TSHZ1: variants seen among roughly 807,000 people sequenced by gnomAD.
TSHZ1 encodes the protein teashirt zinc finger homeobox 1.
A neutral mutation model predicts 67.1 loss-of-function variants in TSHZ1; 12 were observed. The observed-to-expected ratio is 0.18, with a 90% CI of 0.11 to 0.29. The LOEUF is 0.29. Ranked by LOEUF, TSHZ1 falls within the 10% of genes least tolerant of loss-of-function variation. TSHZ1 has a pLI of 1.00. For synonymous variants in TSHZ1, 632 were observed against 622.4 expected (o/e 1.02, Z -0.23); for missense variants, 1,305 against 1,413.9 (o/e 0.92, Z 1.23).
chr18:75,213,826 C>T (rs957914475), intron 1 of TSHZ1, among the ~76,000 whole-genome samples: 1 of 152,004 alleles, frequency 6.6e-6, no homozygotes, highest in Non-Finnish European at 1.5e-5. Context: ...TGTTTCCATT[C>T]TTTCCTCTAC....
At chr18:75,276,146 A>G (rs942262649) in intron 1 of TSHZ1, among the ~76,000 whole-genome samples, 1 of 152,232 alleles carries the variant, frequency 6.6e-6, no homozygotes, top group African/African-American at 2.4e-5. Flanking sequence ...TTAACTTGAA[A>G]TTGAATTCAG....
At chr18:75,220,953 A>G (rs1265237088) in intron 1 of TSHZ1, 1 of 152,226 alleles carries the variant, frequency 6.6e-6, no homozygotes, top group Non-Finnish European at 1.5e-5. Context: ...ATAAGGCAGG[A>G]TTTCCTCACT....
At position 75,286,256 on chromosome 18, in the gene TSHZ1, C is replaced by G. The variant is rs140283079; in HGVS notation, c.849C>G (p.Thr283=). Residue 283 remains threonine, a synonymous_variant, in exon 2 of 2, where the codon ACC becomes ACG. Coordinates refer to ENST00000580243, the MANE Select transcript of TSHZ1 (RefSeq NM_001308210.2). This position sits in a 1 kb window ranked among gnomAD's most constrained non-coding sequence, Gnocchi z 5.1. ...ACAGGGACAAGGACTCCGAGAAGAC[C>G]AAGAGGTGGTCCAAGCCCAGGAAGC... ...DDNRDKDSEK[T]KRWSKPRKRS... The G allele has an allele frequency of 1.6e-3, 2,502 of 1,613,736 alleles. 33 individuals carry two copies. The Admixed American group carries it at 0.028, about 18-fold the overall frequency.
chr18:75,286,820 G>A lies in TSHZ1; in HGVS notation c.1413G>A (p.Pro471=), dbSNP rs771504745. 157 of 1,613,708 alleles carry A rather than the reference G, an allele frequency of 9.7e-5. No individual in the cohort carries two copies. The highest frequency in any genetic ancestry group is 1.1e-4 in the Non-Finnish European group (130 of 1,180,014). The change falls in exon 2 of 2, where the codon CCG becomes CCA. Residue 471 remains proline (P), a synonymous_variant. Transcript: ENST00000580243. This position sits in a 1 kb window ranked among gnomAD's most constrained non-coding sequence, Gnocchi z 5.1. The part of the protein sequence containing the change: ...VEEKIQSIPL[P]PTTHTRLPAS... ...AGAAGATCCAGTCCATCCCACTACC[G>A]CCCACCACCCACACGCGGCTGCCGG...
intron 1 of TSHZ1, among the ~76,000 whole-genome samples, chr18:75,217,731 C>T (rs1035370319): frequency 5.9e-5 from 9 of 152,046 alleles, no homozygotes; most frequent in Admixed American, 2.0e-4. Context: ...TGGCGTGTCA[C>T]GAAGAGCATG....
intron 1 of TSHZ1, among the ~76,000 whole-genome samples, chr18:75,225,511 C>CAGCATGA (rs2022913497): frequency 1.3e-5 from 2 of 152,188 alleles, no homozygotes; most frequent in Non-Finnish European, 2.9e-5. Flanking sequence ...TCAGCATGCC[C>CAGCATGA]TTTGGAACAT....
intron 1 of TSHZ1, among the ~76,000 whole-genome samples, chr18:75,238,743 G>T (rs1223022063): frequency 6.6e-6 from 1 of 152,166 alleles, no homozygotes; most frequent in Admixed American, 6.5e-5. Context: ...GAGGGTGACT[G>T]CTTGTTTAGT....
chr18:75,230,889 G>T (rs991375469), intron 1 of TSHZ1, among the ~76,000 whole-genome samples: 2 of 152,216 alleles, frequency 1.3e-5, no homozygotes, highest in Admixed American at 6.5e-5. Flanking sequence ...CAAGCTGCAT[G>T]GGATGGATTA....
intron 1 of TSHZ1, among the ~76,000 whole-genome samples, chr18:75,276,741 C>T (rs2023617622): frequency 6.6e-6 from 1 of 152,144 alleles, no homozygotes; most frequent in African/African-American, 2.4e-5. Flanking sequence ...TTTAGATAAA[C>T]ATGTAATTTG....
In TSHZ1 at chr18:75,288,170, G is replaced by C; in HGVS notation, c.2763G>C (p.Leu921Phe). ...AGGGCAAGTACATCATGTCGGACTT[G>C]GGCCCGCAGGAGAGGGTGCACATCT... ...TTEGKYIMSD[L>F]GPQERVHISK... is the part of the protein sequence containing the mutation. The change falls in exon 2 of 2, where the codon TTG (leucine) becomes TTC (phenylalanine). Residue 921 changes from leucine to phenylalanine, a missense_variant. By Grantham distance (22) the Leu-to-Phe change is conservative (BLOSUM62 0). Transcript: ENST00000580243. This position sits in a 1 kb window ranked among gnomAD's most constrained non-coding sequence, Gnocchi z 4.9. 6.2e-7 allele frequency: 1 copy of C among 1,614,180 alleles called. No individual in the cohort carries two copies. The highest frequency in any genetic ancestry group is 1.1e-5 in the South Asian group (1 of 91,086).
intron 1 of TSHZ1, among the ~76,000 whole-genome samples, chr18:75,219,534 G>A (rs1227058192): frequency 3.3e-5 from 5 of 152,178 alleles, no homozygotes; most frequent in Admixed American, 2.0e-4. Flanking sequence ...AGGTTAAATC[G>A]GAAGTAGTTC....
At chr18:75,247,520 A>G (rs2023239458) in intron 1 of TSHZ1, among the ~76,000 whole-genome samples, 1 of 152,244 alleles carries the variant, frequency 6.6e-6, no homozygotes, top group Non-Finnish European at 1.5e-5. Flanking sequence ...AAGTTATCTT[A>G]CTTTGAAAAG....
At chr18:75,215,812 C>T (rs893296004) in intron 1 of TSHZ1, among the ~76,000 whole-genome samples, 1 of 152,206 alleles carries the variant, frequency 6.6e-6, no homozygotes, top group African/African-American at 2.4e-5. Context: ...TACCACCCTG[C>T]ACACACAGGT....
intron 1 of TSHZ1, among the ~76,000 whole-genome samples, chr18:75,237,168 A>G (rs1045628204): frequency 1.3e-5 from 2 of 152,198 alleles, no homozygotes; most frequent in African/African-American, 4.8e-5. Flanking sequence ...GTTGCGTGTC[A>G]GGGCGGTTCC....
chr18:75,257,833 T>C (rs1402584083), intron 1 of TSHZ1, among the ~76,000 whole-genome samples: 1 of 152,204 alleles, frequency 6.6e-6, no homozygotes, highest in African/African-American at 2.4e-5. Flanking sequence ...CCCCTAGCTC[T>C]GTGAGCTTGG....
At chr18:75,264,023 C>T (rs2023461109) in intron 1 of TSHZ1, among the ~76,000 whole-genome samples, 1 of 152,234 alleles carries the variant, frequency 6.6e-6, no homozygotes, top group Non-Finnish European at 1.5e-5. Context: ...GAAGCTGATG[C>T]TAACCATAGA....
At chr18:75,240,609 A>G (rs371157776) in intron 1 of TSHZ1, among the ~76,000 whole-genome samples, 70 of 152,196 alleles carry the variant, frequency 4.6e-4, no homozygotes, top group African/African-American at 1.3e-3. Context: ...GTTTCTCTCC[A>G]CGTAGCAGCA....
At chr18:75,278,839 G>T (rs966374908) in intron 1 of TSHZ1, among the ~76,000 whole-genome samples, 1 of 152,166 alleles carries the variant, frequency 6.6e-6, no homozygotes, top group African/African-American at 2.4e-5. Context: ...ACTAAGCCAG[G>T]CCTCGAAGGG....
At chr18:75,254,971 G>A (rs1056734467) in intron 1 of TSHZ1, among the ~76,000 whole-genome samples, 9 of 152,114 alleles carry the variant, frequency 5.9e-5, no homozygotes, top group Non-Finnish European at 1.3e-4. Flanking sequence ...GAATAGTTGT[G>A]ATTTTACTTC....
Sources: gnomAD v4.1 joint callset for allele counts (sites outside exome capture counted in the v4.1 genomes callset) on GRCh38, gnomAD v4.1.1 for gene constraint, Gnocchi (gnomAD v3.1) non-coding constraint, MANE v1.5 for transcripts, NCBI Gene and HGNC (gene_info 2026-07-23, HGNC 2026-07-21) for gene names.